DNAH14: variants seen among roughly 807,000 people sequenced by gnomAD.
The protein encoded by DNAH14 is axonemal beta dynein heavy chain 14.
DNAH14 carries 478 observed loss-of-function variants against 520.9 expected under a neutral mutation model. That is an observed-to-expected ratio of 0.92 (90% confidence interval 0.85 to 0.99). The LOEUF (loss-of-function observed/expected upper bound fraction) is 0.99. Among genes scored for constraint, DNAH14 ranks in the 50% least tolerant of loss-of-function variants. The pLI, the probability that DNAH14 is intolerant of heterozygous loss-of-function variation, is 0.00. For missense variants in DNAH14, 4,831 were observed against 5,234.5 expected (o/e 0.92, Z 2.38); for synonymous variants, 1,581 against 1,757.2 (o/e 0.90, Z 2.51).
At chr1:224,991,790 G>A (rs2063071931) in intron 8 of DNAH14, among the ~76,000 whole-genome samples, 1 of 151,972 alleles carries the variant, frequency 6.6e-6, no homozygotes, top group Admixed American at 6.6e-5. Flanking sequence ...TCTTTATCCA[G>A]TCTATCATTG....
Position 225,289,935 on chromosome 1 carries a change from T to C in DNAH14, c.8322T>C (p.Tyr2774=), listed in dbSNP as rs2093828435. The C allele has an allele frequency of 6.6e-7, 1 of 1,509,268 alleles. No homozygotes were observed. 93.5% of individuals were successfully genotyped at this position (1,509,268 alleles called of 1,614,324 possible). ...AAACATGTGCAACCTTGGCCTGTTA[T>C]TTGACAGATAATAAACTATACCGAG... ...GKKTCATLAC[Y]LTDNKLYRVP... is the part of the protein sequence containing the mutation. Residue 2774 remains tyrosine, a synonymous_variant, in exon 55 of 86, where the codon TAT becomes TAC. Coordinates refer to ENST00000682510, the MANE Select transcript of DNAH14 (RefSeq NM_001367479.1).
rs184051085 is a variant in DNAH14 at position 225,128,068 on chromosome 1, C to A, written c.4254+4454C>A. 1.0e-3 allele frequency among the ~76,000 whole-genome samples: 159 copies of A among 152,192 alleles called. 1 individual carries two copies. The highest frequency in any genetic ancestry group is 1.8e-3 in the Admixed American group (28 of 15,266). ...CTCTTCTGGCTTGCAGAGTTTCTGC[C>A]GAGAACTCTGCTGTTAGTCTAATGG... On this transcript the variant is annotated intron_variant, in intron 27 of 85. Coordinates refer to ENST00000682510, the MANE Select transcript of DNAH14 (RefSeq NM_001367479.1).
At chr1:225,303,456 T>C in intron 57 of DNAH14, 109 bp downstream of exon 57, 2 of 880,498 alleles carry the variant, frequency 2.3e-6, no homozygotes, top group South Asian at 3.9e-5. Flanking sequence ...AGTTCTAAGC[T>C]AATTTACAAT....
At chr1:225,229,239 C>T (rs1275286678) in intron 41 of DNAH14, among the ~76,000 whole-genome samples, 4 of 152,258 alleles carry the variant, frequency 2.6e-5, no homozygotes, top group South Asian at 2.1e-4. Context: ...TTTCATCCGT[C>T]GCTCAACCAG....
At chr1:225,261,927 C>T (rs1266966128) in intron 46 of DNAH14, among the ~76,000 whole-genome samples, 1 of 152,018 alleles carries the variant, frequency 6.6e-6, no homozygotes, top group Non-Finnish European at 1.5e-5. Flanking sequence ...CCATACCACC[C>T]TGAAAGTGCC....
intron 75 of DNAH14, among the ~76,000 whole-genome samples, chr1:225,364,333 ACTT>A (rs1400290000): frequency 6.6e-6 from 1 of 152,096 alleles, no homozygotes; most frequent in Non-Finnish European, 1.5e-5. Flanking sequence ...TAACTCCACA[ACTT>A]CTTCTAAATT....
At chr1:225,016,945 TG>T (rs2065262934) in intron 10 of DNAH14, among the ~76,000 whole-genome samples, 1 of 152,102 alleles carries the variant, frequency 6.6e-6, no homozygotes, top group Admixed American at 6.5e-5. Flanking sequence ...GTTTATGAAT[TG>T]TTTTCCTGGT....
intron 23 of DNAH14, among the ~76,000 whole-genome samples, chr1:225,115,405 G>A (rs1265015810): frequency 6.6e-6 from 1 of 152,190 alleles, no homozygotes; most frequent in Non-Finnish European, 1.5e-5. Flanking sequence ...GAACATTAAA[G>A]TATAAACTAG....
chr1:225,137,558 G>T (rs2079057567), intron 27 of DNAH14, among the ~76,000 whole-genome samples: 3 of 152,224 alleles, frequency 2.0e-5, no homozygotes, highest in South Asian at 4.2e-4. Flanking sequence ...ATTTCACCAT[G>T]TTGGCCAGGC....
chr1:225,058,258 G>C (rs530194696), intron 17 of DNAH14, among the ~76,000 whole-genome samples: 89 of 152,212 alleles, frequency 5.8e-4, no homozygotes, highest in Non-Finnish European at 1.1e-3. Flanking sequence ...TTTAGTCTTG[G>C]GAGGGTGTGT....
intron 21 of DNAH14, among the ~76,000 whole-genome samples, chr1:225,096,118 A>G (rs905523758): frequency 6.7e-6 from 1 of 150,016 alleles, no homozygotes; most frequent in Non-Finnish European, 1.5e-5. Context: ...CGGCACCGCC[A>G]CCATGCCTGA....
chr1:225,346,671 A>G lies in DNAH14; in HGVS notation c.11296+17A>G, dbSNP rs910739474. 1.3e-6 allele frequency: 2 copies of G among 1,515,344 alleles called. No individual in the cohort carries two copies. The highest frequency in any genetic ancestry group is 1.8e-6 in the Non-Finnish European group (2 of 1,126,138). The allele number at this position is 1,515,344 out of a possible 1,614,324, so 93.9% of individuals were successfully genotyped here. A position where few individuals can be genotyped will look rare whatever the true frequency, so the allele number is the denominator to read the frequency against. ...GACTTACTAGTAAGTAAAAGTTACTATTCCGGATTCAGTAAAAGTCCATTA... is the reference window on the plus strand; with the variant it reads ...GACTTACTAGTAAGTAAAAGTTACTGTTCCGGATTCAGTAAAAGTCCATTA... On this transcript the variant is annotated intron_variant, in intron 71 of 85. Transcript: ENST00000682510.
In DNAH14 at chr1:225,303,256, C is replaced by G; in HGVS notation, c.8732C>G (p.Thr2911Arg). 3.9e-6 allele frequency: 6 copies of G among 1,551,442 alleles called. No homozygotes were observed. The Admixed American group carries it at 5.9e-5, about 15-fold the overall frequency. ...TATCCTTCTATGATTAGCTCCTGCA[C>G]GATCGATTGGTATGAGAGGTGGCCA... ...RVYPSMISSC[T>R]IDWYERWPEE... The change falls in exon 57 of 86, where the codon ACG becomes AGG. Residue 2911 changes from threonine to arginine, a missense_variant. Coordinates refer to ENST00000682510, the MANE Select transcript of DNAH14 (RefSeq NM_001367479.1).
intron 27 of DNAH14, among the ~76,000 whole-genome samples, chr1:225,126,273 A>G (rs2077709121): frequency 6.6e-6 from 1 of 152,162 alleles, no homozygotes; most frequent in Non-Finnish European, 1.5e-5. Context: ...CAAATCTTCA[A>G]TTTGAAAAAA....
chr1:224,948,037 C>T (rs1430054855), intron 1 of DNAH14, among the ~76,000 whole-genome samples: 1 of 151,870 alleles, frequency 6.6e-6, no homozygotes, highest in Non-Finnish European at 1.5e-5. Flanking sequence ...TATGTTAAAT[C>T]AAACTTTTAA....
At chr1:225,245,794 C>T (rs536827683) in intron 43 of DNAH14, among the ~76,000 whole-genome samples, 20 of 152,228 alleles carry the variant, frequency 1.3e-4, no homozygotes, top group African/African-American at 4.8e-4. Flanking sequence ...AATGGCCATA[C>T]TGCTCCAAGT....
intron 81 of DNAH14, among the ~76,000 whole-genome samples, chr1:225,387,434 G>A (rs1040781034): frequency 5.3e-5 from 8 of 151,932 alleles, no homozygotes; most frequent in Non-Finnish European, 7.4e-5. Context: ...ACAAGAGCAC[G>A]GGCTGCAAAG....
intron 10 of DNAH14, among the ~76,000 whole-genome samples, chr1:225,009,095 A>G (rs1265784879): frequency 1.3e-5 from 2 of 152,278 alleles, no homozygotes; most frequent in East Asian, 1.9e-4. Flanking sequence ...TTTGCTGTGC[A>G]GAAGCTCTTT....
At chr1:224,940,358 A>T (rs2059329717) in intron 1 of DNAH14, among the ~76,000 whole-genome samples, 1 of 151,926 alleles carries the variant, frequency 6.6e-6, no homozygotes, top group Admixed American at 6.5e-5. Context: ...GGAGAAATAG[A>T]CCCCACTTTT....
Sources: allele counts gnomAD v4.1 joint callset (sites outside exome capture counted in the v4.1 genomes callset), GRCh38; gene constraint gnomAD v4.1.1; transcripts MANE v1.5; gene names NCBI Gene and HGNC (gene_info 2026-07-23, HGNC 2026-07-21).